The following DOCK2 variants were observed in gnomAD, a reference collection of about 807,000 sequenced individuals.
The protein encoded by DOCK2 is dedicator of cytokinesis protein 2.
DOCK2 carries 87 observed loss-of-function variants against 248.9 expected under a neutral mutation model. The observed-to-expected ratio is 0.35, with a 90% CI of 0.29 to 0.42. The LOEUF is 0.42. DOCK2 is among the 10% of genes least tolerant of loss of function. The pLI is 1.00. For missense variants in DOCK2, 1,747 were observed against 2,300.2 expected (o/e 0.76, Z 4.92); for synonymous variants, 805 against 821.6 (o/e 0.98, Z 0.35).
chr5:169,791,195 GT>G (rs35444931), intron 25 of DOCK2, among the ~76,000 whole-genome samples: 18,588 of 152,190 alleles, frequency 0.12, 1,424 homozygotes, highest in Non-Finnish European at 0.17. Flanking sequence ...GCTAGGAACT[GT>G]AGGAGACATG....
chr5:169,783,693 A>G (rs1249970441), intron 25 of DOCK2, among the ~76,000 whole-genome samples: 1 of 152,178 alleles, frequency 6.6e-6, no homozygotes, highest in African/African-American at 2.4e-5. Context: ...AAAAAAAGCT[A>G]TGGGAGAAAG....
chr5:169,978,490 C>CATG (rs915634026), intron 27 of DOCK2, among the ~76,000 whole-genome samples: 14 of 149,738 alleles, frequency 9.3e-5, no homozygotes, highest in Non-Finnish European at 1.8e-4. Context: ...TTGTCAATAT[C>CATG]ATGATGATGA....
intron 25 of DOCK2, among the ~76,000 whole-genome samples, chr5:169,795,106 A>T (rs1204246151): frequency 6.6e-6 from 1 of 152,164 alleles, no homozygotes; most frequent in Non-Finnish European, 1.5e-5. Flanking sequence ...TCTAAATGGC[A>T]TGAGCCAACT....
At chr5:169,992,356 T>G (rs1038249127) in intron 29 of DOCK2, among the ~76,000 whole-genome samples, 1 of 152,268 alleles carries the variant, frequency 6.6e-6, no homozygotes, top group African/African-American at 2.4e-5. Flanking sequence ...GGTTGAGATC[T>G]GATAACGAAC....
intron 27 of DOCK2, among the ~76,000 whole-genome samples, chr5:169,899,872 T>A (rs182531645): frequency 6.6e-6 from 1 of 152,338 alleles, no homozygotes; most frequent in East Asian, 1.9e-4. Context: ...AGCAGACTCT[T>A]ACAGCCCTAA....
chr5:169,770,595 C>T (rs1414057568), intron 25 of DOCK2, among the ~76,000 whole-genome samples: 1 of 152,150 alleles, frequency 6.6e-6, no homozygotes, highest in Non-Finnish European at 1.5e-5. Flanking sequence ...CCATTGCACC[C>T]AGCCTCTTGA....
chr5:169,998,140 C>G (rs752751260), intron 30 of DOCK2: 45 of 433,494 alleles, frequency 1.0e-4, no homozygotes, highest in Non-Finnish European at 1.7e-4. Context: ...AACCATGTGG[C>G]TTCCTGGAGT....
chr5:169,689,124 T>C, intron 8 of DOCK2, 128 bp from the exon 9 acceptor site: 1 of 779,560 alleles, frequency 1.3e-6, no homozygotes, highest in Non-Finnish European at 2.1e-6. Flanking sequence ...ACCATGTCTT[T>C]CTTAAACACC....
intron 26 of DOCK2, among the ~76,000 whole-genome samples, chr5:169,818,690 G>A (rs391792): frequency 0.48 from 72,793 of 151,598 alleles, 18,793 homozygotes; most frequent in African/African-American, 0.68. Flanking sequence ...GGGCCTTTCC[G>A]CAGCTTTTGG....
At chr5:170,063,147 A>G (rs776732113) in intron 44 of DOCK2, among the ~76,000 whole-genome samples, 14 of 152,262 alleles carry the variant, frequency 9.2e-5, no homozygotes, top group Middle Eastern at 3.4e-3. Flanking sequence ...AAAAAGCAGC[A>G]GTTTTATACA....
At chr5:169,883,473 G>T (rs748011548) in intron 27 of DOCK2, 3 of 1,551,530 alleles carry the variant, frequency 1.9e-6, no homozygotes, top group African/African-American at 1.4e-5. Context: ...AAGACACAAT[G>T]TCCTGTTCAG....
chr5:169,951,553 G>A (rs1776666045), intron 27 of DOCK2, among the ~76,000 whole-genome samples: 1 of 152,144 alleles, frequency 6.6e-6, no homozygotes, highest in Admixed American at 6.5e-5. Context: ...CACCTGCCTT[G>A]GATCACACCC....
chr5:169,732,413 T>G (rs1762829070), intron 22 of DOCK2, among the ~76,000 whole-genome samples: 1 of 152,178 alleles, frequency 6.6e-6, no homozygotes, highest in South Asian at 2.1e-4. Context: ...CAGTTATCAT[T>G]TCTATGCAGG....
Position 169,759,744 on chromosome 5 carries a change from G to T in DOCK2, c.2416G>T (p.Val806Leu). The change falls in exon 24 of 52, where the codon GTA becomes TTA. Residue 806 changes from valine to leucine, a missense_variant. Val to Leu is a conservative substitution (Grantham distance 32). Around this residue, in one of 4 missense-constraint regions of DOCK2, gnomAD observed 858 missense variants for 1,183.5 expected, o/e 0.72. Transcript: ENST00000520908. ...ATACATCCCATCTGTCCTGCATGAT[G>T]TAGAAATGGTCTTTGATGCGAAGTT... ...LKYIPSVLHD[V>L]EMVFDAKLLS... 6.2e-7 allele frequency: 1 copy of T among 1,614,048 alleles called. No homozygotes were observed. The highest frequency in any genetic ancestry group is 8.5e-7 in the Non-Finnish European group (1 of 1,179,930).
chr5:169,940,944 ATGCCGATAG>A (rs1379207633), intron 27 of DOCK2, among the ~76,000 whole-genome samples: 1 of 152,184 alleles, frequency 6.6e-6, no homozygotes, highest in African/African-American at 2.4e-5. Flanking sequence ...GTCTAATAGA[ATGCCGATAG>A]TGCCATGGCT....
intron 33 of DOCK2, among the ~76,000 whole-genome samples, chr5:170,024,653 A>G (rs1755843896): frequency 1.3e-5 from 2 of 152,204 alleles, no homozygotes; most frequent in Non-Finnish European, 2.9e-5. Context: ...CATTTAATAG[A>G]TGAGCACATT....
At chr5:170,001,111 C>T (rs1475654281) in intron 30 of DOCK2, among the ~76,000 whole-genome samples, 1 of 152,104 alleles carries the variant, frequency 6.6e-6, no homozygotes, top group Non-Finnish European at 1.5e-5. Context: ...ATTCTCTTGT[C>T]TGATATTTCT....
At chr5:169,762,958 G>C (rs1764573001) in intron 25 of DOCK2, among the ~76,000 whole-genome samples, 2 of 152,158 alleles carry the variant, frequency 1.3e-5, no homozygotes, top group Admixed American at 6.5e-5. Flanking sequence ...TGGTTAACAT[G>C]GTGCATCCAA....
intron 16 of DOCK2, 39 bp downstream of exon 16, chr5:169,712,046 T>G: frequency 6.2e-7 from 1 of 1,614,010 alleles, no homozygotes; most frequent in Non-Finnish European, 8.5e-7. Context: ...CACCTCCCCC[T>G]AAGGGGAGAA....
Sources: allele counts gnomAD v4.1 joint callset (sites outside exome capture counted in the v4.1 genomes callset), GRCh38; gene constraint gnomAD v4.1.1; regional missense constraint gnomAD v4.1.1; transcripts MANE v1.5; gene names NCBI Gene and HGNC (gene_info 2026-07-23, HGNC 2026-07-21).